GRM5: variants seen among roughly 807,000 people sequenced by gnomAD.
GRM5 encodes glutamate metabotropic receptor 5.
A neutral mutation model predicts 83.1 loss-of-function variants in GRM5; 19 were observed. The observed-to-expected ratio is 0.23, with a 90% CI of 0.16 to 0.34. GRM5 has a LOEUF of 0.34. GRM5 is among the 10% of genes least tolerant of loss of function. The pLI is 1.00. For synonymous variants in GRM5, 675 were observed against 633.6 expected (o/e 1.07, Z -0.98); for missense variants, 1,160 against 1,588.3 (o/e 0.73, Z 4.58).
intron 8 of GRM5, among the ~76,000 whole-genome samples, chr11:88,536,812 C>A (rs1942145466): frequency 6.6e-6 from 1 of 152,170 alleles, no homozygotes; most frequent in Non-Finnish European, 1.5e-5. Context: ...CTTTTGGGAC[C>A]ATCCTAATTT....
At chr11:88,615,649 T>TAAAAAAAAAAAAA (rs58256186) in intron 4 of GRM5, among the ~76,000 whole-genome samples, 1 of 119,746 alleles carries the variant, frequency 8.4e-6, no homozygotes. Flanking sequence ...ATTAAGAAAC[T>TAAAAAAAAAAAAA]AAAAAAAAAA....
At chr11:88,611,810 T>A (rs565065444) in intron 4 of GRM5, among the ~76,000 whole-genome samples, 1 of 152,108 alleles carries the variant, frequency 6.6e-6, no homozygotes, top group Non-Finnish European at 1.5e-5. Context: ...CTGGGTGTGA[T>A]GTTAGGTTGT....
chr11:88,747,591 C>T (rs1727015470), intron 3 of GRM5, among the ~76,000 whole-genome samples: 1 of 151,928 alleles, frequency 6.6e-6, no homozygotes, highest in Non-Finnish European at 1.5e-5. Flanking sequence ...TCAAGTAGTT[C>T]TTCCTTATCT....
At chr11:88,984,147 A>G (rs1213509699) in intron 2 of GRM5, among the ~76,000 whole-genome samples, 1 of 152,168 alleles carries the variant, frequency 6.6e-6, no homozygotes, top group Non-Finnish European at 1.5e-5. Flanking sequence ...CTGTGTTTAT[A>G]AAGTCCACAG....
At chr11:88,673,263 A>T (rs979207155) in intron 3 of GRM5, among the ~76,000 whole-genome samples, 5 of 151,924 alleles carry the variant, frequency 3.3e-5, no homozygotes, top group Non-Finnish European at 5.9e-5. Context: ...CTGAAGTAAG[A>T]AATACTGTGT....
chr11:88,982,551 T>A (rs967526425), intron 2 of GRM5, among the ~76,000 whole-genome samples: 12 of 152,182 alleles, frequency 7.9e-5, no homozygotes, highest in African/African-American at 2.7e-4. Context: ...AGAATAATAC[T>A]GTTCAGGTTT....
At chr11:88,849,378 A>G (rs894058209) in intron 3 of GRM5, among the ~76,000 whole-genome samples, 2 of 152,206 alleles carry the variant, frequency 1.3e-5, no homozygotes, top group Non-Finnish European at 2.9e-5. Flanking sequence ...CAATCTCTGT[A>G]GAAGCTGGTA....
chr11:88,655,246 G>C (rs7483480), intron 3 of GRM5, among the ~76,000 whole-genome samples: 84,465 of 151,888 alleles, frequency 0.56, 27,373 homozygotes, highest in South Asian at 0.81. Flanking sequence ...TTTATTTAAA[G>C]CTGACAAGTT....
intron 3 of GRM5, among the ~76,000 whole-genome samples, chr11:88,718,613 T>C (rs1446011137): frequency 6.6e-6 from 1 of 151,980 alleles, no homozygotes; most frequent in Non-Finnish European, 1.5e-5. Flanking sequence ...TTGTCATCTT[T>C]TAATCCTTTG....
chr11:88,998,919 G>A (rs1194784254), intron 2 of GRM5, among the ~76,000 whole-genome samples: 3 of 152,012 alleles, frequency 2.0e-5, no homozygotes, highest in Admixed American at 6.6e-5. Context: ...GAAAGGTAAA[G>A]GAACTAGAAT....
rs567154716 is a variant in GRM5 at position 88,914,717 on chromosome 11, C to T, written c.662-64562G>A. Among the ~76,000 whole-genome samples the T allele has an allele frequency of 7.9e-5, 12 of 152,234 alleles. No homozygotes were observed. The South Asian group carries it at 2.5e-3, about 32-fold the overall frequency. On this transcript the variant is annotated intron_variant, in intron 2 of 9. Coordinates refer to ENST00000305447, the MANE Select transcript of GRM5 (RefSeq NM_001143831.3). ...CTTACTACAAACAATTTGTGAATAACTGCATAGTGAATTAAAGGTCAACAA... is the reference window on the plus strand; with the variant it reads ...CTTACTACAAACAATTTGTGAATAATTGCATAGTGAATTAAAGGTCAACAA...
At chr11:88,636,657 C>G (rs189268007) in intron 4 of GRM5, among the ~76,000 whole-genome samples, 1 of 152,058 alleles carries the variant, frequency 6.6e-6, no homozygotes, top group Non-Finnish European at 1.5e-5. Context: ...ATTAAGCCAA[C>G]CTTACATTTC....
At chr11:88,821,179 A>G (rs1298598307) in intron 3 of GRM5, among the ~76,000 whole-genome samples, 1 of 152,052 alleles carries the variant, frequency 6.6e-6, no homozygotes, top group Non-Finnish European at 1.5e-5. Flanking sequence ...AATCTATTTG[A>G]AAGAGCTGTT....
intron 3 of GRM5, among the ~76,000 whole-genome samples, chr11:88,775,966 C>T (rs1181425957): frequency 6.6e-6 from 1 of 152,178 alleles, no homozygotes; most frequent in Admixed American, 6.5e-5. Flanking sequence ...CTGCTTGTTT[C>T]AGAGCTGAGT....
intron 8 of GRM5, among the ~76,000 whole-genome samples, chr11:88,550,985 A>G (rs1170493789): frequency 2.0e-5 from 3 of 152,146 alleles, no homozygotes; most frequent in African/African-American, 7.2e-5. Flanking sequence ...TACTTATAAA[A>G]TGGGGATACT....
chr11:89,002,066 G>A (rs1236842641), intron 2 of GRM5, among the ~76,000 whole-genome samples: 2 of 152,122 alleles, frequency 1.3e-5, no homozygotes, highest in African/African-American at 2.4e-5. Context: ...AAAGGCATGT[G>A]GAAGGACATA....
At chr11:88,620,918 G>A (rs1203172309) in intron 4 of GRM5, among the ~76,000 whole-genome samples, 1 of 152,130 alleles carries the variant, frequency 6.6e-6, no homozygotes, top group Admixed American at 6.5e-5. Flanking sequence ...GAAAGAAGAG[G>A]CTTCTTCAGG....
intron 4 of GRM5, among the ~76,000 whole-genome samples, chr11:88,643,145 G>T (rs117842932): frequency 6.6e-6 from 1 of 151,998 alleles, no homozygotes; most frequent in Non-Finnish European, 1.5e-5. Context: ...GAAGCATAGC[G>T]CTGGCACCTG....
intron 2 of GRM5, among the ~76,000 whole-genome samples, chr11:89,032,611 G>A (rs11018434): frequency 0.41 from 62,768 of 151,780 alleles, 14,448 homozygotes; most frequent in East Asian, 0.56. Context: ...TGTGTGCCAA[G>A]TATTACGCTA....
Sources: allele counts gnomAD v4.1 joint callset (sites outside exome capture counted in the v4.1 genomes callset), GRCh38; gene constraint gnomAD v4.1.1; transcripts MANE v1.5; gene names NCBI Gene and HGNC (gene_info 2026-07-23, HGNC 2026-07-21).